LRRC28: variants seen among roughly 807,000 people sequenced by gnomAD.
LRRC28 encodes the protein leucine-rich repeat-containing protein 28.
LRRC28 carries 39 observed loss-of-function variants against 45.7 expected under a neutral mutation model. The ratio of observed to expected loss-of-function variants is 0.85; its 90% CI spans 0.66 to 1.12. The LOEUF (loss-of-function observed/expected upper bound fraction) is 1.12. Ranked by LOEUF, LRRC28 falls within the 50% of genes most tolerant of loss-of-function variation. The probability of loss-of-function intolerance (pLI) is 0.00; values close to 1 mark genes in which losing one functional copy is unlikely to be tolerated. For missense variants in LRRC28, 435 were observed against 438.5 expected (o/e 0.99, Z 0.07); for synonymous variants, 206 against 178.8 (o/e 1.15, Z -1.22).
chr15:99,284,113 G>A (rs1173490011), intron 3 of LRRC28, among the ~76,000 whole-genome samples: 1 of 152,156 alleles, frequency 6.6e-6, no homozygotes, highest in Non-Finnish European at 1.5e-5. Flanking sequence ...AGGTAGTGTG[G>A]CTTCAGAGCC....
Position 99,361,352 on chromosome 15 carries a change from C to G in LRRC28, c.712C>G (p.Gln238Glu). 6.2e-7 allele frequency: 1 copy of G among 1,612,826 alleles called. No individual in the cohort carries two copies. The highest frequency in any genetic ancestry group is 8.5e-7 in the Non-Finnish European group (1 of 1,179,550). Residue 238 changes from glutamine (Q) to glutamate (E), a missense_variant, in exon 8 of 10, where the codon CAA becomes GAA. Coordinates refer to ENST00000301981, the MANE Select transcript of LRRC28 (RefSeq NM_144598.5). ...TTTCTGCAGCTGTGGTGCTCCCATT[C>G]AAGTTTCCGAGGTGAAGCTGCTTTC... ...IGCSGCGAPI[Q>E]VSEVKLLSFS...
chr15:99,282,906 T>C (rs1046165019), intron 3 of LRRC28, among the ~76,000 whole-genome samples: 1 of 152,190 alleles, frequency 6.6e-6, no homozygotes, highest in African/African-American at 2.4e-5. Context: ...AAAATTTTTT[T>C]TTTTGAGATG....
At chr15:99,274,375 T>A (rs2081562397) in intron 2 of LRRC28, among the ~76,000 whole-genome samples, 1 of 152,222 alleles carries the variant, frequency 6.6e-6, no homozygotes, top group Non-Finnish European at 1.5e-5. Flanking sequence ...CAGGATTTTT[T>A]AAAAGCTAGT....
intron 6 of LRRC28, among the ~76,000 whole-genome samples, chr15:99,351,298 A>G (rs2152315243): frequency 6.6e-6 from 1 of 152,242 alleles, no homozygotes; most frequent in East Asian, 1.9e-4. Flanking sequence ...CACCACCTGT[A>G]CTTGCCGGGA....
chr15:99,385,559 A>G (rs937342778), intron 9 of LRRC28, among the ~76,000 whole-genome samples: 2 of 152,232 alleles, frequency 1.3e-5, no homozygotes, highest in South Asian at 2.1e-4. Flanking sequence ...CGAGCAACCT[A>G]TGTGTATGCG....
At chr15:99,365,386 A>G (rs1482165743) in intron 9 of LRRC28, among the ~76,000 whole-genome samples, 1 of 152,262 alleles carries the variant, frequency 6.6e-6, no homozygotes, top group Non-Finnish European at 1.5e-5. Flanking sequence ...CCAAGATACA[A>G]ACATGGCTTT....
intron 9 of LRRC28, among the ~76,000 whole-genome samples, chr15:99,372,214 C>T (rs948007132): frequency 3.9e-5 from 6 of 152,100 alleles, no homozygotes. Flanking sequence ...TTTGTGGGCT[C>T]CAATATGTGC....
chr15:99,366,570 C>G (rs969981353), intron 9 of LRRC28, among the ~76,000 whole-genome samples: 3 of 152,082 alleles, frequency 2.0e-5, no homozygotes, highest in Admixed American at 6.5e-5. Context: ...GGTGAGGGCT[C>G]TCTTCCTAGC....
intron 6 of LRRC28, among the ~76,000 whole-genome samples, chr15:99,343,111 A>G (rs1442523482): frequency 2.0e-5 from 3 of 152,260 alleles, no homozygotes; most frequent in Admixed American, 2.0e-4. Context: ...AATTATGACT[A>G]ATAATATCTC....
At chr15:99,385,798 G>A (rs1178938099) in intron 9 of LRRC28, among the ~76,000 whole-genome samples, 1 of 149,536 alleles carries the variant, frequency 6.7e-6, no homozygotes, top group East Asian at 2.0e-4. Context: ...TCTTCTGAAC[G>A]CTGCTATTAA....
intron 6 of LRRC28, among the ~76,000 whole-genome samples, chr15:99,346,022 C>T (rs907961377): frequency 1.3e-5 from 2 of 152,106 alleles, no homozygotes; most frequent in Non-Finnish European, 2.9e-5. Context: ...CGCTCTGTTG[C>T]CCAGGCTGGA....
intron 2 of LRRC28, among the ~76,000 whole-genome samples, chr15:99,268,004 A>G (rs1192236543): frequency 6.6e-6 from 1 of 152,206 alleles, no homozygotes; most frequent in Non-Finnish European, 1.5e-5. Context: ...TGAGGAAACT[A>G]AGAAGAGGAT....
chr15:99,374,255 G>C (rs1957562764), intron 9 of LRRC28, among the ~76,000 whole-genome samples: 1 of 152,034 alleles, frequency 6.6e-6, no homozygotes, highest in African/African-American at 2.4e-5. Context: ...CATTTATTTA[G>C]GTCTTTTACT....
intron 6 of LRRC28, among the ~76,000 whole-genome samples, chr15:99,342,811 G>C (rs1036933207): frequency 1.3e-5 from 2 of 152,228 alleles, no homozygotes; most frequent in Non-Finnish European, 2.9e-5. Flanking sequence ...TCTACCATGT[G>C]TAAAGTTATC....
intron 2 of LRRC28, among the ~76,000 whole-genome samples, chr15:99,267,337 A>G (rs77940846): frequency 0.096 from 14,661 of 152,158 alleles, 963 homozygotes; most frequent in East Asian, 0.31. Context: ...GAGGGGAAAA[A>G]CAGTAAGTTA....
intron 5 of LRRC28, among the ~76,000 whole-genome samples, chr15:99,298,420 A>T (rs2082320038): frequency 6.6e-6 from 1 of 152,154 alleles, no homozygotes; most frequent in Non-Finnish European, 1.5e-5. Flanking sequence ...TTATCTCTGA[A>T]AGGTATCTGT....
intron 9 of LRRC28, among the ~76,000 whole-genome samples, chr15:99,374,095 C>G (rs1957557861): frequency 6.6e-6 from 1 of 152,080 alleles, no homozygotes; most frequent in African/African-American, 2.4e-5. Context: ...CTACACTTTT[C>G]CACTGATTTT....
chr15:99,356,622 C>T (rs75932350), intron 7 of LRRC28, among the ~76,000 whole-genome samples: 1,775 of 152,212 alleles, frequency 0.012, 14 homozygotes, highest in Non-Finnish European at 0.018. Context: ...GAATGGGTAA[C>T]GTCAGTAACA....
intron 5 of LRRC28, among the ~76,000 whole-genome samples, chr15:99,317,000 C>CTT (rs35415959): frequency 2.2e-5 from 3 of 138,510 alleles, no homozygotes; most frequent in Admixed American, 7.2e-5. Flanking sequence ...CCTACTGGGC[C>CTT]TTTTTTTTTT....
Sources: allele counts gnomAD v4.1 joint callset (sites outside exome capture counted in the v4.1 genomes callset), GRCh38; gene constraint gnomAD v4.1.1; transcripts MANE v1.5; gene names NCBI Gene and HGNC (gene_info 2026-07-23, HGNC 2026-07-21).